The following GPRC6A variants were observed in gnomAD, a reference collection of about 807,000 sequenced individuals.
GPRC6A encodes the protein G protein-coupled receptor class C group 6 member A.
A neutral mutation model predicts 47.0 loss-of-function variants in GPRC6A; 54 were observed. That is an observed-to-expected ratio of 1.15 (90% CI 0.92 to 1.44). The LOEUF (loss-of-function observed/expected upper bound fraction) is 1.44. Ranked by LOEUF, GPRC6A falls within the 40% of genes most tolerant of loss-of-function variation. GPRC6A has a pLI of 0.00. For missense variants in GPRC6A, 1,112 were observed against 1,105.5 expected, an observed-to-expected ratio of 1.01 and a Z score of -0.08; for synonymous variants, 347 against 377.1, an observed-to-expected ratio of 0.92 and a Z score of 0.93.
chr6:116,793,056 C>G lies in GPRC6A; in HGVS notation c.1867G>C (p.Val623Leu). The G allele has an allele frequency of 6.2e-7, 1 of 1,613,786 alleles. No individual in the cohort carries two copies. Among genetic ancestry groups the G allele is most frequent in the Non-Finnish European group, 8.5e-7 (1 of 1,179,764 alleles). Residue 623 changes from valine (V) to leucine (L), a missense_variant, in exon 6 of 6, where the codon GTT (valine) becomes CTT (leucine). Physicochemically the swap from Val to Leu is conservative, Grantham distance 32. Transcript: ENST00000310357. ...IIFTRNLNTP[V>L]VKSSGGLRVC... is the part of the protein sequence containing the mutation. ...CTTAATCCCCCGGATGATTTCACAA[C>G]AGGTGTGTTCAGGTTTCTTGTAAAT...
intron 1 of GPRC6A, among the ~76,000 whole-genome samples, chr6:116,828,187 C>T (rs1773730916): frequency 6.6e-6 from 1 of 152,048 alleles, no homozygotes; most frequent in Non-Finnish European, 1.5e-5. Flanking sequence ...TCCTGTTCTC[C>T]TTAAGGAAAA....
At position 116,829,044 on chromosome 6, in the gene GPRC6A, G is replaced by A; in HGVS notation, c.-31C>T. The A allele has an allele frequency of 1.3e-6, 2 of 1,575,902 alleles. No individual in the cohort carries two copies. The highest frequency in any genetic ancestry group is 1.7e-6 in the Non-Finnish European group (2 of 1,161,372). ...TATCTCATTTGCTCAGTTCATGTGA[G>A]TTCTTAGGAATCATTAAGTGCACGG... On this transcript the variant is annotated 5_prime_UTR_variant, in exon 1 of 6. Transcript: ENST00000310357.
intron 1 of GPRC6A, among the ~76,000 whole-genome samples, chr6:116,820,997 C>T (rs1248543506): frequency 6.6e-6 from 1 of 151,716 alleles, no homozygotes; most frequent in East Asian, 1.9e-4. Context: ...AGCTGATAAG[C>T]AACTTCAGCA....
chr6:116,820,115 G>A (rs2114617387), intron 1 of GPRC6A, among the ~76,000 whole-genome samples: 1 of 149,750 alleles, frequency 6.7e-6, no homozygotes, highest in South Asian at 2.1e-4. Flanking sequence ...TAGAAGAAAT[G>A]GATAAATTCC....
Position 116,792,605 on chromosome 6 carries a change from C to A in GPRC6A, c.2318G>T (p.Gly773Val), listed in dbSNP as rs1355608915. 6.7e-7 allele frequency: 1 copy of A among 1,487,390 alleles called. No individual in the cohort carries two copies. The highest frequency in any genetic ancestry group is 1.1e-5 in the South Asian group (1 of 87,434). The allele number at this position is 1,487,390 out of a possible 1,614,324, so 92.1% of individuals were successfully genotyped here. A position where few individuals can be genotyped will look rare whatever the true frequency, so the allele number is the denominator to read the frequency against. The change falls in exon 6 of 6, where the codon GGC (glycine) becomes GTC (valine). Residue 773 changes from glycine (G) to valine (V), a missense_variant. By Grantham distance (109) the Gly-to-Val change is moderately radical (BLOSUM62 -3). Coordinates refer to ENST00000310357, the MANE Select transcript of GPRC6A (RefSeq NM_148963.4). Reference protein sequence around the residue: ...AFICFIFAFKGKYENYNEAKF... With the variant: ...AFICFIFAFKVKYENYNEAKF... ...GGCTTCATTGTAATTCTCATATTTGCCTTTGAAAGCAAATATGAAGCAAAT... is the reference window on the plus strand; with the variant it reads ...GGCTTCATTGTAATTCTCATATTTGACTTTGAAAGCAAATATGAAGCAAAT...
At chr6:116,815,342 G>A (rs1349233558) in intron 1 of GPRC6A, among the ~76,000 whole-genome samples, 1 of 152,118 alleles carries the variant, frequency 6.6e-6, no homozygotes, top group South Asian at 2.1e-4. Flanking sequence ...AATTAGCTAG[G>A]CATGGTGGTA....
At chr6:116,812,678 T>C (rs551909792) in intron 1 of GPRC6A, among the ~76,000 whole-genome samples, 3 of 152,146 alleles carry the variant, frequency 2.0e-5, no homozygotes, top group Admixed American at 6.5e-5. Flanking sequence ...ACTGGAAGCA[T>C]TCCCTTTGAA....
intron 1 of GPRC6A, among the ~76,000 whole-genome samples, chr6:116,814,324 A>G (rs1209475215): frequency 6.6e-6 from 1 of 152,198 alleles, no homozygotes; most frequent in African/African-American, 2.4e-5. Flanking sequence ...TTGTGGCACT[A>G]TTCACAATAG....
intron 2 of GPRC6A, 127 bp from the exon 3 acceptor site, chr6:116,807,333 T>TCCTTCTCC: frequency 1.5e-6 from 1 of 645,284 alleles, no homozygotes; most frequent in Admixed American, 2.6e-5. Context: ...GTCTTTTTCA[T>TCCTTCTCC]CCTTCTCCTT....
chr6:116,816,622 G>GTA (rs957324235), intron 1 of GPRC6A, among the ~76,000 whole-genome samples: 24 of 152,216 alleles, frequency 1.6e-4, no homozygotes, highest in Admixed American at 6.5e-5. Context: ...TCCATCTGAG[G>GTA]TACCGGGTTC....
At chr6:116,817,491 C>T (rs954662771) in intron 1 of GPRC6A, among the ~76,000 whole-genome samples, 2 of 152,196 alleles carry the variant, frequency 1.3e-5, no homozygotes, top group African/African-American at 4.8e-5. Context: ...TCTCCTCCTC[C>T]AAAGGAACGC....
At chr6:116,810,911 G>A (rs1266996423) in intron 1 of GPRC6A, among the ~76,000 whole-genome samples, 1 of 152,126 alleles carries the variant, frequency 6.6e-6, no homozygotes, top group Non-Finnish European at 1.5e-5. Context: ...CCACACAAGT[G>A]TCCCAAGAAC....
chr6:116,794,592 A>C (rs2114576588), intron 5 of GPRC6A, among the ~76,000 whole-genome samples: 1 of 152,308 alleles, frequency 6.6e-6, no homozygotes, highest in Admixed American at 6.5e-5. Flanking sequence ...ATGGAAAATA[A>C]ATGTTACATA....
At position 116,818,317 on chromosome 6, in the gene GPRC6A, G is replaced by A. The variant is rs563780738; in HGVS notation, c.195-8700C>T. Among the ~76,000 whole-genome samples the A allele has an allele frequency of 2.7e-3, 404 of 150,812 alleles. 3 individuals are homozygous for A. Among genetic ancestry groups the A allele is most frequent in the African/African-American group, 9.2e-3 (378 of 41,188 alleles). On this transcript the variant is annotated intron_variant, in intron 1 of 5. Coordinates refer to ENST00000310357, the MANE Select transcript of GPRC6A (RefSeq NM_148963.4). ...TGGGAGGCCGAGGCGGGCGGATCAC[G>A]AGGTCAGGAGATCGAGACCATCCCG...
intron 2 of GPRC6A, 138 bp downstream of exon 2, chr6:116,809,175 TG>T: frequency 3.1e-6 from 2 of 639,916 alleles, no homozygotes; most frequent in Non-Finnish European, 5.4e-6. Flanking sequence ...TCTGTAATGG[TG>T]TGCATCCTTT....
At chr6:116,799,866 G>A (rs1459442883) in intron 4 of GPRC6A, among the ~76,000 whole-genome samples, 1 of 152,130 alleles carries the variant, frequency 6.6e-6, no homozygotes, top group Non-Finnish European at 1.5e-5. Context: ...GTGAAGTGGA[G>A]GAGCTGACCT....
intron 4 of GPRC6A, among the ~76,000 whole-genome samples, chr6:116,799,256 A>C (rs1276269299): frequency 6.6e-6 from 1 of 152,184 alleles, no homozygotes. Context: ...ATAAAAATCT[A>C]ATAGTCATCA....
At chr6:116,801,743 TTAGCAGAATGTC>T (rs1043082231) in intron 3 of GPRC6A, among the ~76,000 whole-genome samples, 1 of 152,192 alleles carries the variant, frequency 6.6e-6, no homozygotes, top group African/African-American at 2.4e-5. Context: ...AAATGTTACT[TTAGCAGAATGTC>T]TACGTGTGTG....
At chr6:116,815,808 A>T (rs566638327) in intron 1 of GPRC6A, among the ~76,000 whole-genome samples, 1 of 152,246 alleles carries the variant, frequency 6.6e-6, no homozygotes, top group Non-Finnish European at 1.5e-5. Flanking sequence ...AAAAAATCTT[A>T]TTAAAAGAAA....
Sources: gnomAD v4.1 joint callset for allele counts (sites outside exome capture counted in the v4.1 genomes callset) on GRCh38, gnomAD v4.1.1 for gene constraint, MANE v1.5 for transcripts, NCBI Gene and HGNC (gene_info 2026-07-23, HGNC 2026-07-21) for gene names.